Variants in DAB1 observed in about 807,000 individuals in gnomAD.
The protein encoded by DAB1 is DAB adaptor protein 1, also known as disabled homolog 1.
Under a neutral mutation model 64.6 loss-of-function variants are expected in DAB1, and 15 were observed. The ratio of observed to expected loss-of-function variants is 0.23; its 90% CI spans 0.16 to 0.36. The LOEUF (loss-of-function observed/expected upper bound fraction) is 0.36. Among genes scored for constraint, DAB1 ranks in the 10% least tolerant of loss-of-function variants. The pLI is 1.00. For missense variants in DAB1, 596 were observed against 706.7 expected, an observed-to-expected ratio of 0.84 and a Z score of 1.78; for synonymous variants, 235 against 251.9, an observed-to-expected ratio of 0.93 and a Z score of 0.64.
intron 1 of DAB1, among the ~76,000 whole-genome samples, chr1:57,408,667 T>G (rs1387894427): frequency 1.3e-5 from 2 of 152,274 alleles, no homozygotes; most frequent in East Asian, 3.9e-4. Flanking sequence ...AGGGCCAGGA[T>G]GGATGGGATA....
intron 2 of DAB1, among the ~76,000 whole-genome samples, chr1:58,521,176 T>C (rs757955940): frequency 1.3e-5 from 2 of 151,954 alleles, no homozygotes; most frequent in South Asian, 2.1e-4. Context: ...AACTAAGCAA[T>C]ATACTTCTAA....
intron 2 of DAB1, among the ~76,000 whole-genome samples, chr1:57,146,433 C>G (rs1659144395): frequency 6.6e-6 from 1 of 152,194 alleles, no homozygotes; most frequent in South Asian, 2.1e-4. Context: ...AACTTCAACT[C>G]TTGATTTCTC....
chr1:57,939,697 T>A (rs1280324334), intron 5 of DAB1, among the ~76,000 whole-genome samples: 2 of 152,194 alleles, frequency 1.3e-5, no homozygotes, highest in Non-Finnish European at 2.9e-5. Context: ...TTCTTGAGGA[T>A]GTTGAACAAA....
intron 4 of DAB1, among the ~76,000 whole-genome samples, chr1:58,212,244 G>A (rs3850537): frequency 1.8e-3 from 277 of 152,164 alleles, no homozygotes; most frequent in African/African-American, 6.3e-3. Context: ...CACTAGGTGC[G>A]AAGTACTATA....
At chr1:58,264,672 T>C (rs1428649462) in intron 4 of DAB1, among the ~76,000 whole-genome samples, 1 of 152,198 alleles carries the variant, frequency 6.6e-6, no homozygotes, top group Non-Finnish European at 1.5e-5. Context: ...GGTGAAGCCA[T>C]GTCTGTTTTT....
At chr1:57,161,916 A>T (rs975377280) in intron 2 of DAB1, among the ~76,000 whole-genome samples, 3 of 151,900 alleles carry the variant, frequency 2.0e-5, no homozygotes, top group African/African-American at 7.2e-5. Context: ...AGCGTAAATT[A>T]TATATGTTTT....
intron 2 of DAB1, among the ~76,000 whole-genome samples, chr1:57,199,504 T>C (rs1401991356): frequency 6.6e-6 from 1 of 152,134 alleles, no homozygotes; most frequent in Admixed American, 6.5e-5. Context: ...GGGGGAAATG[T>C]AACCATAGCC....
At chr1:58,546,054 G>A (rs1646698112) in intron 1 of DAB1, among the ~76,000 whole-genome samples, 1 of 152,126 alleles carries the variant, frequency 6.6e-6, no homozygotes, top group African/African-American at 2.4e-5. Context: ...GTTGAGGATT[G>A]CACGGCACAA....
chr1:57,432,162 G>A (rs548903395), intron 7 of DAB1, among the ~76,000 whole-genome samples: 80 of 151,012 alleles, frequency 5.3e-4, no homozygotes, highest in Non-Finnish European at 9.0e-4. Context: ...ACAGAGTATC[G>A]AAAAAGAGAA....
chr1:57,375,631 A>G (rs1043888365), intron 1 of DAB1, among the ~76,000 whole-genome samples: 2 of 152,052 alleles, frequency 1.3e-5, no homozygotes, highest in Non-Finnish European at 2.9e-5. Context: ...TAGAGCCCAA[A>G]CTCTGAACCA....
chr1:57,221,753 G>T (rs1004017897), intron 2 of DAB1, among the ~76,000 whole-genome samples: 2 of 151,950 alleles, frequency 1.3e-5, no homozygotes, highest in Admixed American at 1.3e-4. Flanking sequence ...CTCAGAGAAG[G>T]GTAAACAAAA....
At chr1:57,320,108 G>A (rs1675575818) in intron 1 of DAB1, among the ~76,000 whole-genome samples, 1 of 152,180 alleles carries the variant, frequency 6.6e-6, no homozygotes, top group Non-Finnish European at 1.5e-5. Context: ...GTTTGGCTCT[G>A]TATTCCCACC....
At chr1:57,354,593 T>A (rs1243253408) in intron 1 of DAB1, among the ~76,000 whole-genome samples, 1 of 152,094 alleles carries the variant, frequency 6.6e-6, no homozygotes, top group African/African-American at 2.4e-5. Flanking sequence ...ATTCTCTTTC[T>A]AAACAGTGGC....
At chr1:57,285,880 C>T (rs761940808) in intron 2 of DAB1, among the ~76,000 whole-genome samples, 31 of 152,100 alleles carry the variant, frequency 2.0e-4, no homozygotes, top group Non-Finnish European at 4.0e-4. Context: ...TGCCCTAATA[C>T]GGAGATTACA....
intron 3 of DAB1, among the ~76,000 whole-genome samples, chr1:58,456,045 G>A (rs905545101): frequency 4.6e-5 from 7 of 152,222 alleles, no homozygotes; most frequent in South Asian, 2.1e-4. Context: ...TCTATAAAAC[G>A]GGCATCTACC....
chr1:57,845,133 C>T (rs1221619607), intron 1 of DAB1, among the ~76,000 whole-genome samples: 3 of 152,148 alleles, frequency 2.0e-5, no homozygotes, highest in Non-Finnish European at 2.9e-5. Context: ...CATGATATGG[C>T]CCTTAGAAAA....
chr1:58,005,783 T>C (rs1646574016), intron 5 of DAB1, among the ~76,000 whole-genome samples: 1 of 152,120 alleles, frequency 6.6e-6, no homozygotes, highest in Non-Finnish European at 1.5e-5. Context: ...GCTCCCATTG[T>C]TTAAAAATTA....
chr1:58,440,806 A>G (rs1325094534), intron 3 of DAB1, among the ~76,000 whole-genome samples: 1 of 152,206 alleles, frequency 6.6e-6, no homozygotes, highest in South Asian at 2.1e-4. Context: ...ATCTTGGACT[A>G]ACCAACCAGA....
chr1:58,037,079 C>G (rs1647055536), intron 5 of DAB1, among the ~76,000 whole-genome samples: 1 of 152,114 alleles, frequency 6.6e-6, no homozygotes, highest in Admixed American at 6.5e-5. Flanking sequence ...CTCCTCCCAT[C>G]TTCCCTTAGA....
Sources: gnomAD v4.1 joint callset for allele counts (sites outside exome capture counted in the v4.1 genomes callset) on GRCh38, gnomAD v4.1.1 for gene constraint, MANE v1.5 for transcripts, NCBI Gene and HGNC (gene_info 2026-07-23, HGNC 2026-07-21) for gene names.